NFATC2: variants seen among roughly 807,000 people sequenced by gnomAD.
NFATC2 encodes nuclear factor of activated T-cells, cytoplasmic 2.
A neutral mutation model predicts 87.3 loss-of-function variants in NFATC2; 22 were observed. That is an observed-to-expected ratio of 0.25 (90% confidence interval 0.18 to 0.36). NFATC2 has a LOEUF of 0.36. Among genes scored for constraint, NFATC2 ranks in the 10% least tolerant of loss-of-function variants. The pLI is 1.00. For synonymous variants in NFATC2, 565 were observed against 542.2 expected, an observed-to-expected ratio of 1.04 and a Z score of -0.58; for missense variants, 1,149 against 1,259.1, an observed-to-expected ratio of 0.91 and a Z score of 1.32.
intron 9 of NFATC2, among the ~76,000 whole-genome samples, chr20:51,402,043 C>T (rs1358892417): frequency 1.3e-5 from 2 of 152,196 alleles, no homozygotes; most frequent in African/African-American, 4.8e-5. Flanking sequence ...AAGGGACGTC[C>T]AGTTTTGTGT....
intron 3 of NFATC2, among the ~76,000 whole-genome samples, chr20:51,477,495 A>T (rs1988813054): frequency 6.9e-6 from 1 of 144,842 alleles, no homozygotes; most frequent in Non-Finnish European, 1.5e-5. Flanking sequence ...TTTAAAATAT[A>T]TATATATACA....
At chr20:51,472,185 G>A (rs770897335) in intron 5 of NFATC2, among the ~76,000 whole-genome samples, 2 of 152,182 alleles carry the variant, frequency 1.3e-5, no homozygotes, top group African/African-American at 4.8e-5. Flanking sequence ...AACCCGGGAG[G>A]TAGAAGTTGC....
chr20:51,542,434 GC>G lies in NFATC2; in HGVS notation c.65del (p.Gly22AlafsTer18). 1.2e-6 allele frequency: 2 copies of G among 1,600,178 alleles called. No homozygotes were observed. Among genetic ancestry groups the G allele is most frequent in the Non-Finnish European group, 1.7e-6 (2 of 1,173,964 alleles). Reference protein sequence around the residue: ...GGDAPGHEPGGSPQDELDFSI... With the variant: ...GGDAPGHEPGXSPQDELDFSI... The stretch of plus-strand genomic sequence containing the variant: ...AGAAGTCAAGCTCGTCTTGGGGGCT[GC>G]CCCCAGGCTCGTGGCCTGGGGCGTC... On this transcript the variant is annotated frameshift_variant, in exon 1 of 11. Transcript: ENST00000371564. LOFTEE classifies it high-confidence loss of function.
chr20:51,493,087 G>A (rs542346271), intron 3 of NFATC2, among the ~76,000 whole-genome samples: 2 of 152,340 alleles, frequency 1.3e-5, no homozygotes, highest in South Asian at 2.1e-4. Flanking sequence ...ACCAGGAGAA[G>A]AAGATTCCAG....
intron 3 of NFATC2, among the ~76,000 whole-genome samples, chr20:51,477,535 CTATATATATATATA>C (rs11467129): frequency 0.026 from 1,871 of 72,732 alleles, 30 homozygotes; most frequent in African/African-American, 0.052. Flanking sequence ...GTGTGTGTGT[CTATATATATATATA>C]TATATATATA....
At position 51,509,545 on chromosome 20, in the gene NFATC2, G is replaced by A. The variant is rs116605192; in HGVS notation, c.1332+7239C>T. Among the ~76,000 whole-genome samples, 438 of 152,324 alleles carry A rather than the reference G, an allele frequency of 2.9e-3. 3 individuals are homozygous for A. Among genetic ancestry groups the A allele is most frequent in the African/African-American group, 9.8e-3 (407 of 41,564 alleles). The stretch of plus-strand genomic sequence containing the variant: ...CCCAGGAGGTCCAATGGAACCTTCT[G>A]TAGATGCCAACACAGCAGCCCTGAT... On this transcript the variant is annotated intron_variant, in intron 3 of 10. Coordinates refer to ENST00000371564, the MANE Select transcript of NFATC2 (RefSeq NM_012340.5).
At position 51,389,346 on chromosome 20, in the gene NFATC2, A is replaced by ATGTACAAAAAACAGCTCCTAGCCAG. The variant is rs1986085127; in HGVS notation, c.*2125_*2149dup. The ATGTACAAAAAACAGCTCCTAGCCAG allele has an allele frequency of 6.6e-6, 1 of 152,188 alleles. No homozygotes were observed. Among genetic ancestry groups the ATGTACAAAAAACAGCTCCTAGCCAG allele is most frequent in the East Asian group, 1.9e-4 (1 of 5,196 alleles). The allele number at this position is 152,188 out of a possible 1,614,324, so 9.4% of individuals were successfully genotyped here. On this transcript the variant is annotated 3_prime_UTR_variant, in exon 11 of 11. Coordinates refer to ENST00000371564, the MANE Select transcript of NFATC2 (RefSeq NM_012340.5). ...AACTGAGGAAAGCCCAAATTCCCTC[A>ATGTACAAAAAACAGCTCCTAGCCAG]TGTACAAAAAACAGCTCCTAGCCAG...
chr20:51,511,640 TC>T (rs1289316731), intron 3 of NFATC2, among the ~76,000 whole-genome samples: 1 of 152,092 alleles, frequency 6.6e-6, no homozygotes, highest in Non-Finnish European at 1.5e-5. Flanking sequence ...CTCCTTTACC[TC>T]CCATACCTAA....
intron 5 of NFATC2, among the ~76,000 whole-genome samples, chr20:51,465,470 C>T (rs1179588308): frequency 2.0e-5 from 3 of 152,130 alleles, no homozygotes; most frequent in Non-Finnish European, 4.4e-5. Flanking sequence ...TCCGAATCCC[C>T]CAGCTTGGGC....
rs1177313286 is a variant in NFATC2 at position 51,390,720 on chromosome 20, T to C, written c.*776A>G. 2 of 158,082 alleles carry C rather than the reference T, an allele frequency of 1.3e-5. No homozygotes were observed. Among genetic ancestry groups the C allele is most frequent in the African/African-American group, 4.8e-5 (2 of 41,466 alleles). The allele number at this position is 158,082 out of a possible 1,614,324, so 9.8% of individuals were successfully genotyped here. On this transcript the variant is annotated 3_prime_UTR_variant, in exon 11 of 11. Coordinates refer to ENST00000371564, the MANE Select transcript of NFATC2 (RefSeq NM_012340.5). Reference sequence around the variant, plus strand: ...AAAAAATAATAATAACAAACGCGTATACATGTCATAACTTAACGCCAAGAA... The same window carrying C: ...AAAAAATAATAATAACAAACGCGTACACATGTCATAACTTAACGCCAAGAA...
intron 9 of NFATC2, among the ~76,000 whole-genome samples, chr20:51,401,526 G>A (rs369596026): frequency 1.7e-4 from 26 of 152,268 alleles, no homozygotes; most frequent in East Asian, 3.9e-4. Context: ...ATTGATCCAC[G>A]TGAATGTGCT....
In NFATC2 at chr20:51,562,232, A is replaced by C. The variant is rs937521676; in HGVS notation, c.70+328T>G. Among the ~76,000 whole-genome samples, 6 of 152,242 alleles carry C rather than the reference A, an allele frequency of 3.9e-5. No individual in the cohort carries two copies. The highest frequency in any genetic ancestry group is 2.9e-5 in the Non-Finnish European group (2 of 68,040). The stretch of plus-strand genomic sequence containing the variant: ...AAGCCGAGTGCTGAAACGGTTAAAC[A>C]GCCAGCGGTTAGTAGCGAGAATCCC... On this transcript the variant is annotated intron_variant, in intron 1 of 10. Transcript: ENST00000414705. This position sits in a 1 kb window ranked among gnomAD's most constrained non-coding sequence, Gnocchi z 5.8.
chr20:51,486,986 A>C (rs1353203414), intron 3 of NFATC2, among the ~76,000 whole-genome samples: 1 of 152,212 alleles, frequency 6.6e-6, no homozygotes, highest in Non-Finnish European at 1.5e-5. Flanking sequence ...GCAGCCTGGC[A>C]GCTCATGGAG....
At chr20:51,401,250 A>G (rs1988005295) in intron 9 of NFATC2, among the ~76,000 whole-genome samples, 1 of 151,904 alleles carries the variant, frequency 6.6e-6, no homozygotes, top group Non-Finnish European at 1.5e-5. Flanking sequence ...GGTGCCTGTA[A>G]CCTCAGCTAC....
chr20:51,422,522 G>T (rs1303439526), intron 9 of NFATC2, among the ~76,000 whole-genome samples: 3 of 150,224 alleles, frequency 2.0e-5, no homozygotes, highest in Non-Finnish European at 4.4e-5. Context: ...ATGCAGCAGA[G>T]AAGAGCCAAA....
intron 3 of NFATC2, among the ~76,000 whole-genome samples, chr20:51,509,452 G>A (rs758387646): frequency 2.0e-5 from 3 of 152,054 alleles, no homozygotes; most frequent in Non-Finnish European, 2.9e-5. Flanking sequence ...AGTGATCTCA[G>A]AACATTCTCC....
chr20:51,398,324 C>T (rs1987524184), intron 10 of NFATC2, among the ~76,000 whole-genome samples: 1 of 152,210 alleles, frequency 6.6e-6, no homozygotes, highest in African/African-American at 2.4e-5. Context: ...ACACCCACAA[C>T]AAAGTGTGCA....
At chr20:51,421,471 C>T (rs1032587014) in intron 9 of NFATC2, among the ~76,000 whole-genome samples, 2 of 152,120 alleles carry the variant, frequency 1.3e-5, no homozygotes, top group Admixed American at 6.5e-5. Flanking sequence ...TGAGTGAAAT[C>T]GGTGAAGTCT....
intron 9 of NFATC2, among the ~76,000 whole-genome samples, chr20:51,411,478 A>G (rs1163574307): frequency 6.7e-6 from 1 of 149,738 alleles, no homozygotes; most frequent in Non-Finnish European, 1.5e-5. Context: ...TGGCCACACT[A>G]CAAACCATAG....
Sources: allele counts gnomAD v4.1 joint callset (sites outside exome capture counted in the v4.1 genomes callset), GRCh38; gene constraint gnomAD v4.1.1; non-coding constraint Gnocchi (gnomAD v3.1); transcripts MANE v1.5; gene names NCBI Gene and HGNC (gene_info 2026-07-23, HGNC 2026-07-21).